Variants in SLC39A11 observed in about 807,000 individuals in gnomAD.
SLC39A11 encodes the protein zinc transporter ZIP11.
Under a neutral mutation model 36.1 loss-of-function variants are expected in SLC39A11, and 33 were observed. That is an observed-to-expected ratio of 0.91 (90% CI 0.69 to 1.22). SLC39A11 has a LOEUF of 1.22. Among genes scored for constraint, SLC39A11 ranks in the 50% most tolerant of loss-of-function variants. The pLI, the probability that SLC39A11 is intolerant of heterozygous loss-of-function variation, is 0.00. For synonymous variants in SLC39A11, 166 were observed against 170.3 expected, an observed-to-expected ratio of 0.97 and a Z score of 0.20; for missense variants, 432 against 430.3, an observed-to-expected ratio of 1.00 and a Z score of -0.03.
intron 7 of SLC39A11, among the ~76,000 whole-genome samples, chr17:72,691,390 T>C (rs957156856): frequency 2.6e-5 from 4 of 151,764 alleles, no homozygotes; most frequent in Non-Finnish European, 5.9e-5. Flanking sequence ...CTATTTCATG[T>C]ATATAAAAAA....
At chr17:72,695,867 T>A (rs2072271540) in intron 7 of SLC39A11, among the ~76,000 whole-genome samples, 1 of 152,144 alleles carries the variant, frequency 6.6e-6, no homozygotes, top group Non-Finnish European at 1.5e-5. Flanking sequence ...GGGTCCTCCT[T>A]CCAGAGCCTG....
At chr17:72,937,702 C>A (rs972939588) in intron 5 of SLC39A11, among the ~76,000 whole-genome samples, 1 of 152,146 alleles carries the variant, frequency 6.6e-6, no homozygotes, top group South Asian at 2.1e-4. Flanking sequence ...CTTGAAGGCA[C>A]GTGTCTCCTG....
intron 6 of SLC39A11, among the ~76,000 whole-genome samples, chr17:72,755,446 A>G (rs1459439846): frequency 6.6e-6 from 1 of 152,226 alleles, no homozygotes; most frequent in Non-Finnish European, 1.5e-5. Flanking sequence ...TGCCAATGCC[A>G]GGGGAGTTGG....
intron 6 of SLC39A11, among the ~76,000 whole-genome samples, chr17:72,802,762 A>G (rs560176195): frequency 6.6e-6 from 1 of 152,240 alleles, no homozygotes; most frequent in Non-Finnish European, 1.5e-5. Context: ...CACTCACTGT[A>G]AACCAGTAGG....
intron 6 of SLC39A11, among the ~76,000 whole-genome samples, chr17:72,802,015 G>C (rs1226767365): frequency 6.6e-6 from 1 of 152,226 alleles, no homozygotes; most frequent in South Asian, 2.1e-4. Context: ...TAGAATCACT[G>C]TGAAGATGGC....
chr17:72,777,661 A>C (rs75882126), intron 6 of SLC39A11, among the ~76,000 whole-genome samples: 9,040 of 152,236 alleles, frequency 0.059, 361 homozygotes, highest in Non-Finnish European at 0.081. Flanking sequence ...TAGAGCCTTC[A>C]GGAGAAGCAT....
chr17:73,045,151 A>C lies in SLC39A11; in HGVS notation c.148-13437T>G, dbSNP rs568070463. On this transcript the variant is annotated intron_variant, in intron 3 of 9. Coordinates refer to ENST00000255559, the MANE Select transcript of SLC39A11 (RefSeq NM_139177.4). Reference sequence around the variant, plus strand: ...GTAGCCTTGGGTACAGTCACTAAGTACCTGACAAGGCCCAGGCCCATTCTC... The same window carrying C: ...GTAGCCTTGGGTACAGTCACTAAGTCCCTGACAAGGCCCAGGCCCATTCTC... Among the ~76,000 whole-genome samples, 6 of 152,104 alleles carry C rather than the reference A, an allele frequency of 3.9e-5. No homozygotes were observed. The East Asian group carries it at 1.2e-3, about 29-fold the overall frequency.
At chr17:72,879,884 A>G (rs146858427) in intron 5 of SLC39A11, among the ~76,000 whole-genome samples, 37 of 152,350 alleles carry the variant, frequency 2.4e-4, no homozygotes, top group African/African-American at 8.7e-4. Flanking sequence ...CAGCACAAGA[A>G]TGTGGTTTCT....
At chr17:72,929,480 T>C (rs2084254239) in intron 5 of SLC39A11, among the ~76,000 whole-genome samples, 1 of 152,128 alleles carries the variant, frequency 6.6e-6, no homozygotes. Context: ...GTCATCATGG[T>C]GAGAGCCCAA....
intron 3 of SLC39A11, among the ~76,000 whole-genome samples, chr17:73,078,403 G>A (rs2060398762): frequency 1.3e-5 from 2 of 152,102 alleles, no homozygotes; most frequent in Admixed American, 6.5e-5. Flanking sequence ...AGATAGGTAG[G>A]TAGGTAAGTA....
intron 4 of SLC39A11, among the ~76,000 whole-genome samples, chr17:72,986,133 C>T (rs1263024316): frequency 2.6e-5 from 4 of 152,144 alleles, no homozygotes; most frequent in Admixed American, 2.6e-4. Flanking sequence ...AGAACTGAGA[C>T]AATAAATGTC....
chr17:72,665,846 C>A (rs904300722), intron 7 of SLC39A11, among the ~76,000 whole-genome samples: 1 of 151,680 alleles, frequency 6.6e-6, no homozygotes, highest in Non-Finnish European at 1.5e-5. Flanking sequence ...ATCTCCTAAC[C>A]TACTATATAT....
At chr17:72,748,824 C>A (rs2075044132) in intron 6 of SLC39A11, among the ~76,000 whole-genome samples, 1 of 152,150 alleles carries the variant, frequency 6.6e-6, no homozygotes, top group South Asian at 2.1e-4. Flanking sequence ...TGCCTCTAGC[C>A]AACTCCCCTG....
chr17:73,061,832 A>C (rs986014330), intron 3 of SLC39A11, among the ~76,000 whole-genome samples: 1 of 152,050 alleles, frequency 6.6e-6, no homozygotes, highest in Non-Finnish European at 1.5e-5. Context: ...CCATCTCTAC[A>C]AAAAAACACG....
At chr17:72,687,281 A>G (rs1399083132) in intron 7 of SLC39A11, among the ~76,000 whole-genome samples, 1 of 151,534 alleles carries the variant, frequency 6.6e-6, no homozygotes, top group Non-Finnish European at 1.5e-5. Flanking sequence ...TTTTTTAGAC[A>G]GTCTCGCTCT....
intron 4 of SLC39A11, among the ~76,000 whole-genome samples, chr17:72,973,605 C>G (rs953324459): frequency 6.6e-6 from 1 of 152,150 alleles, no homozygotes. Flanking sequence ...GTCACCCTGG[C>G]AGGAGTGCAG....
At chr17:72,737,857 C>T (rs536289946) in intron 6 of SLC39A11, among the ~76,000 whole-genome samples, 2 of 152,266 alleles carry the variant, frequency 1.3e-5, no homozygotes, top group South Asian at 4.1e-4. Flanking sequence ...AGGCCAGTCT[C>T]AATCCCTCTC....
intron 6 of SLC39A11, among the ~76,000 whole-genome samples, chr17:72,800,108 T>C (rs1174667857): frequency 1.3e-5 from 2 of 152,006 alleles, no homozygotes; most frequent in Admixed American, 1.3e-4. Flanking sequence ...TAGGGGCAGG[T>C]TCCCCCAATA....
intron 4 of SLC39A11, among the ~76,000 whole-genome samples, chr17:73,029,080 T>C (rs1278035608): frequency 1.3e-5 from 2 of 150,434 alleles, no homozygotes; most frequent in African/African-American, 4.9e-5. Context: ...ATCACGCCAT[T>C]GCACTCCAGC....
Sources: allele counts gnomAD v4.1 joint callset (sites outside exome capture counted in the v4.1 genomes callset), GRCh38; gene constraint gnomAD v4.1.1; transcripts MANE v1.5; gene names NCBI Gene and HGNC (gene_info 2026-07-23, HGNC 2026-07-21).